Variants in LDLRAP1 observed in about 807,000 individuals in gnomAD.
LDLRAP1 encodes low density lipoprotein receptor adapter protein 1.
A neutral mutation model predicts 37.8 loss-of-function variants in LDLRAP1; 30 were observed. The ratio of observed to expected loss-of-function variants is 0.79; its 90% CI spans 0.59 to 1.08. LDLRAP1 has a LOEUF of 1.08. Among genes scored for constraint, LDLRAP1 ranks in the 50% least tolerant of loss-of-function variants. The pLI, the probability that LDLRAP1 is intolerant of heterozygous loss-of-function variation, is 0.00. For synonymous variants in LDLRAP1, 156 were observed against 169.8 expected (o/e 0.92, Z 0.63); for missense variants, 375 against 401.6 (o/e 0.93, Z 0.57).
At position 25,544,794 on chromosome 1, in the gene LDLRAP1, A is replaced by T. The variant is rs1331070927; in HGVS notation, c.88+1008A>T. 6.6e-6 allele frequency among the ~76,000 whole-genome samples: 1 copy of T among 152,144 alleles called. No homozygotes were observed. Among genetic ancestry groups the T allele is most frequent in the African/African-American group, 2.4e-5 (1 of 41,428 alleles). On this transcript the variant is annotated intron_variant, in intron 1 of 8. Coordinates refer to ENST00000374338, the MANE Select transcript of LDLRAP1 (RefSeq NM_015627.3). This position sits in a 1 kb window ranked among gnomAD's most constrained non-coding sequence, Gnocchi z 4.8. ...TGCTGCACACTCCCACCTCCCTGCC[A>T]CCTACTTCGGGCCACAGCTTCTCCC...
At chr1:25,580,116 C>G in the LDLRAP1 span, among the ~76,000 whole-genome samples, 1 of 152,186 alleles carries the variant, frequency 6.6e-6, no homozygotes, top group South Asian at 2.1e-4. Context: ...GCAGGGTGTC[C>G]CTACAGAAGA....
At chr1:25,545,640 C>A (rs1453676413) in intron 1 of LDLRAP1, among the ~76,000 whole-genome samples, 2 of 152,268 alleles carry the variant, frequency 1.3e-5, no homozygotes, top group South Asian at 4.1e-4. Flanking sequence ...ACCTCTCCCC[C>A]TCCTCCAGGC....
Position 25,567,210 on chromosome 1 carries a change from A to G in LDLRAP1, c.*218A>G. ...CAAAAGATGCCTTGAATATTTATTC[A>G]GTGACTTCTGGCTTATGCTCAGAAG... On this transcript the variant is annotated 3_prime_UTR_variant, in exon 9 of 9. Coordinates refer to ENST00000374338, the MANE Select transcript of LDLRAP1 (RefSeq NM_015627.3). The G allele has an allele frequency of 1.1e-5, 7 of 620,500 alleles. No individual in the cohort carries two copies. The South Asian group carries it at 1.3e-4, about 12-fold the overall frequency. The allele number at this position is 620,500 out of a possible 1,614,324, so 38.4% of individuals were successfully genotyped here.
chr1:25,580,869 G>C, the LDLRAP1 span, among the ~76,000 whole-genome samples: 1 of 152,144 alleles, frequency 6.6e-6, no homozygotes, highest in Non-Finnish European at 1.5e-5. Context: ...ATGGGGACCA[G>C]GCTCTGAGTT....
chr1:25,556,380 T>C (rs967706034), intron 3 of LDLRAP1, among the ~76,000 whole-genome samples: 2 of 152,158 alleles, frequency 1.3e-5, no homozygotes, highest in African/African-American at 2.4e-5. Flanking sequence ...GGGTGCTCCA[T>C]GCAGAGGGAG....
chr1:25,557,137 C>A lies in LDLRAP1; in HGVS notation c.345-16C>A. On this transcript the variant is annotated splice_polypyrimidine_tract_variant and intron_variant, in intron 3 of 8. Transcript: ENST00000374338. ...CCCTGTGCCAGGTCTGGTGATGCTT[C>A]CTCCTTGCCTTTCAGGATCTCCTAT... is the stretch of plus-strand genomic sequence containing the variant. 6.2e-7 allele frequency: 1 copy of A among 1,601,068 alleles called. No homozygotes were observed. Among genetic ancestry groups the A allele is most frequent in the Non-Finnish European group, 8.6e-7 (1 of 1,168,062 alleles).
At chr1:25,558,545 A>C (rs1257917879) in intron 4 of LDLRAP1, among the ~76,000 whole-genome samples, 1 of 151,564 alleles carries the variant, frequency 6.6e-6, no homozygotes, top group African/African-American at 2.4e-5. Flanking sequence ...TTCTGGGGGG[A>C]ATCCATTTCC....
the LDLRAP1 span, chr1:25,590,040 T>G: frequency 3.3e-5 from 5 of 152,220 alleles, no homozygotes; most frequent in African/African-American, 1.2e-4. Flanking sequence ...GAGGTGGAGG[T>G]TGCAGTGAGC....
chr1:25,585,403 G>A, the LDLRAP1 span, among the ~76,000 whole-genome samples: 28 of 151,482 alleles, frequency 1.8e-4, no homozygotes, highest in Non-Finnish European at 3.1e-4. Context: ...TCGGCTCACT[G>A]CAAGCTCCAC....
At position 25,554,110 on chromosome 1, in the gene LDLRAP1, C is replaced by T. The variant is rs1300213190; in HGVS notation, c.231+46C>T. The T allele has an allele frequency of 6.2e-7, 1 of 1,608,722 alleles. No homozygotes were observed. The highest frequency in any genetic ancestry group is 1.7e-4 in the Middle Eastern group (1 of 5,890). On this transcript the variant is annotated intron_variant, in intron 2 of 8. Coordinates refer to ENST00000374338, the MANE Select transcript of LDLRAP1 (RefSeq NM_015627.3). This position sits in a 1 kb window ranked among gnomAD's most constrained non-coding sequence, Gnocchi z 5.4. ...GGGTGGGGGAACCAGGGACCAAGGA[C>T]CAGCTTCTTCCCAGGGTGCCCTCGT...
At chr1:25,563,886 C>T in intron 7 of LDLRAP1, 95 bp downstream of exon 7, 1 of 1,546,396 alleles carries the variant, frequency 6.5e-7, no homozygotes. Context: ...GGACCCGTGA[C>T]TTGTGGGCCT....
intron 8 of LDLRAP1, among the ~76,000 whole-genome samples, chr1:25,566,482 G>A (rs2044481626): frequency 6.6e-6 from 1 of 152,164 alleles, no homozygotes; most frequent in South Asian, 2.1e-4. Flanking sequence ...TGTTGACACA[G>A]TTATAGCCAA....
intron 7 of LDLRAP1, 21 bp downstream of exon 7, chr1:25,563,812 C>G (rs759304895): frequency 1.2e-6 from 2 of 1,613,174 alleles, no homozygotes; most frequent in East Asian, 2.2e-5. Flanking sequence ...GTGTGGCCAG[C>G]AGATCGGTGA....
At chr1:25,562,948 C>A in intron 5 of LDLRAP1, 122 bp from the exon 6 acceptor site, 1 of 998,206 alleles carries the variant, frequency 1.0e-6, no homozygotes, top group Non-Finnish European at 1.6e-6. Flanking sequence ...TTTCTTTCCT[C>A]CCGGCTGGAA....
In LDLRAP1 at chr1:25,554,525, C is replaced by T. The variant is rs1229283136; in HGVS notation, c.232-335C>T. The stretch of plus-strand genomic sequence containing the variant: ...ATGGAGCAGAGTACTCAGGAGTCAT[C>T]CTGCTGGGTTGTGCTAGCTCATTCA... On this transcript the variant is annotated intron_variant, in intron 2 of 8. Coordinates refer to ENST00000374338, the MANE Select transcript of LDLRAP1 (RefSeq NM_015627.3). This position sits in a 1 kb window ranked among gnomAD's most constrained non-coding sequence, Gnocchi z 5.4. 6.6e-6 allele frequency among the ~76,000 whole-genome samples: 1 copy of T among 152,222 alleles called. No homozygotes were observed. Among genetic ancestry groups the T allele is most frequent in the Non-Finnish European group, 1.5e-5 (1 of 68,038 alleles).
At chr1:25,557,127 G>A (rs778590257) in intron 3 of LDLRAP1, 26 bp from the exon 4 acceptor site, 120 of 1,573,168 alleles carry the variant, frequency 7.6e-5, no homozygotes, top group Non-Finnish European at 1.0e-4. Flanking sequence ...TGCCAGGTCT[G>A]GTGATGCTTC....
chr1:25,577,095 T>A, the LDLRAP1 span, among the ~76,000 whole-genome samples: 6 of 152,202 alleles, frequency 3.9e-5, no homozygotes, highest in Non-Finnish European at 7.3e-5. Context: ...CCCTGTGCCA[T>A]CCCCGCATTC....
At chr1:25,545,665 A>C (rs113903356) in intron 1 of LDLRAP1, among the ~76,000 whole-genome samples, 10,767 of 152,186 alleles carry the variant, frequency 0.071, 675 homozygotes, top group African/African-American at 0.17. Flanking sequence ...GTAAGCCCAA[A>C]GTGCTGTCCT....
At chr1:25,582,449 G>T in the LDLRAP1 span, among the ~76,000 whole-genome samples, 1 of 151,972 alleles carries the variant, frequency 6.6e-6, no homozygotes, top group Non-Finnish European at 1.5e-5. Context: ...GCTGGGCATG[G>T]TGGCATGCAC....
Sources: allele counts gnomAD v4.1 joint callset (sites outside exome capture counted in the v4.1 genomes callset), GRCh38; gene constraint gnomAD v4.1.1; non-coding constraint Gnocchi (gnomAD v3.1); transcripts MANE v1.5; gene names NCBI Gene and HGNC (gene_info 2026-07-23, HGNC 2026-07-21).